INSC: variants seen among roughly 807,000 people sequenced by gnomAD.
INSC encodes protein inscuteable homolog.
In INSC, 67 loss-of-function variants were observed where a neutral mutation model predicts 58.6. The ratio of observed to expected loss-of-function variants is 1.14; its 90% CI spans 0.94 to 1.40. The LOEUF is 1.40. INSC is among the 40% of genes most tolerant of loss of function. The pLI is 0.00. For missense variants in INSC, 714 were observed against 692.0 expected, an observed-to-expected ratio of 1.03 and a Z score of -0.36; for synonymous variants, 262 against 276.1, an observed-to-expected ratio of 0.95 and a Z score of 0.51.
At chr11:15,261,108 A>G in the INSC span, among the ~76,000 whole-genome samples, 4 of 152,202 alleles carry the variant, frequency 2.6e-5, no homozygotes, top group Non-Finnish European at 5.9e-5. Flanking sequence ...GAAGCAGCAT[A>G]TCCAAGAGAC....
chr11:15,229,958 ATTTATATATAT>A (rs1283166074), intron 9 of INSC, among the ~76,000 whole-genome samples: 1 of 32,218 alleles, frequency 3.1e-5, no homozygotes, highest in African/African-American at 1.3e-4. Context: ...TTATATATAT[ATTTATATATAT>A]ATATATATAT....
chr11:15,122,782 C>A (rs556145570), intron 1 of INSC, among the ~76,000 whole-genome samples: 1 of 152,260 alleles, frequency 6.6e-6, no homozygotes. Context: ...CCACAAGAGC[C>A]CCCTGGTACC....
intron 7 of INSC, among the ~76,000 whole-genome samples, chr11:15,202,512 CA>C (rs1336658372): frequency 6.6e-6 from 1 of 152,136 alleles, no homozygotes; most frequent in African/African-American, 2.4e-5. Context: ...GAGAGACAGA[CA>C]GTGGACTTGA....
intron 7 of INSC, among the ~76,000 whole-genome samples, chr11:15,216,327 TTGAC>T (rs753078204): frequency 2.6e-5 from 4 of 152,212 alleles, no homozygotes; most frequent in South Asian, 2.1e-4. Context: ...GAGGAATTGA[TTGAC>T]TGAGATTTGC....
intron 5 of INSC, among the ~76,000 whole-genome samples, chr11:15,185,477 T>C (rs1363790397): frequency 2.0e-5 from 3 of 152,132 alleles, no homozygotes; most frequent in East Asian, 1.9e-4. Flanking sequence ...ATGTATTTAT[T>C]TCATTTGACC....
intron 7 of INSC, among the ~76,000 whole-genome samples, chr11:15,217,459 G>C (rs993357093): frequency 6.6e-6 from 1 of 152,156 alleles, no homozygotes; most frequent in African/African-American, 2.4e-5. Flanking sequence ...TTCAGACGTA[G>C]GTAGGCCTAA....
At chr11:15,162,836 C>A (rs551252635) in intron 2 of INSC, among the ~76,000 whole-genome samples, 2 of 152,290 alleles carry the variant, frequency 1.3e-5, no homozygotes, top group South Asian at 4.2e-4. Flanking sequence ...TATGAGAGGG[C>A]AGTCCAGTAA....
chr11:15,239,493 AT>A (rs370650463), intron 11 of INSC, among the ~76,000 whole-genome samples: 92 of 152,248 alleles, frequency 6.0e-4, no homozygotes, highest in African/African-American at 1.9e-3. Context: ...CTATTAACTC[AT>A]TCATTAATTC....
At chr11:15,120,605 TG>T (rs906971252) in intron 1 of INSC, among the ~76,000 whole-genome samples, 1 of 152,174 alleles carries the variant, frequency 6.6e-6, no homozygotes. Context: ...TTAGCATAAC[TG>T]GAGCCTATGG....
chr11:15,233,711 TTA>T (rs1852013304), intron 9 of INSC, among the ~76,000 whole-genome samples: 1 of 151,568 alleles, frequency 6.6e-6, no homozygotes, highest in East Asian at 1.9e-4. Flanking sequence ...CTTCCTTCCT[TTA>T]CCTCCCTTCC....
chr11:15,234,604 A>G (rs1165100201), intron 9 of INSC, among the ~76,000 whole-genome samples: 2 of 152,182 alleles, frequency 1.3e-5, no homozygotes, highest in Non-Finnish European at 2.9e-5. Flanking sequence ...AAACCTTTCG[A>G]GAGAGAGGCT....
chr11:15,162,104 G>A (rs1849039242), intron 2 of INSC, among the ~76,000 whole-genome samples: 1 of 152,094 alleles, frequency 6.6e-6, no homozygotes, highest in Non-Finnish European at 1.5e-5. Context: ...GAAGTATATG[G>A]GCTAGATGGA....
intron 2 of INSC, among the ~76,000 whole-genome samples, chr11:15,154,155 T>G (rs533887476): frequency 2.0e-5 from 3 of 152,344 alleles, no homozygotes; most frequent in African/African-American, 7.2e-5. Flanking sequence ...AAATTCATAT[T>G]TGGTTCATAT....
At chr11:15,199,296 A>G (rs1446107171) in intron 6 of INSC, among the ~76,000 whole-genome samples, 2 of 152,232 alleles carry the variant, frequency 1.3e-5, no homozygotes, top group Non-Finnish European at 2.9e-5. Context: ...AGTAGAATAT[A>G]TAAGTTGTGA....
intron 1 of INSC, among the ~76,000 whole-genome samples, chr11:15,146,418 G>T (rs890257188): frequency 5.3e-5 from 8 of 152,180 alleles, no homozygotes; most frequent in Admixed American, 3.9e-4. Context: ...TCTGTGAATA[G>T]GGCAGTGATG....
At chr11:15,131,067 T>C (rs1047531088) in intron 1 of INSC, among the ~76,000 whole-genome samples, 1 of 152,080 alleles carries the variant, frequency 6.6e-6, no homozygotes, top group African/African-American at 2.4e-5. Context: ...TTTAGAATTA[T>C]TTTCCTCTTT....
At chr11:15,189,742 G>C (rs918369371) in intron 5 of INSC, among the ~76,000 whole-genome samples, 6 of 152,190 alleles carry the variant, frequency 3.9e-5, no homozygotes, top group Non-Finnish European at 4.4e-5. Flanking sequence ...CTTGCATGAG[G>C]CCCTCGAAGG....
At chr11:15,268,178 C>T in the INSC span, among the ~76,000 whole-genome samples, 5 of 152,134 alleles carry the variant, frequency 3.3e-5, no homozygotes, top group South Asian at 1.0e-3. Flanking sequence ...TGTCCAGTGT[C>T]TGAAAACAAT....
At chr11:15,265,446 T>G in the INSC span, among the ~76,000 whole-genome samples, 2 of 152,032 alleles carry the variant, frequency 1.3e-5, no homozygotes, top group African/African-American at 2.4e-5. Context: ...TATGGGAAGA[T>G]TTTTAGAAGT....
Sources: allele counts gnomAD v4.1 joint callset (sites outside exome capture counted in the v4.1 genomes callset), GRCh38; gene constraint gnomAD v4.1.1; transcripts MANE v1.5; gene names NCBI Gene and HGNC (gene_info 2026-07-23, HGNC 2026-07-21).